Variants in OTULIN observed in about 807,000 individuals in gnomAD.
OTULIN encodes the protein OTU deubiquitinase with linear linkage specificity.
Under a neutral mutation model 39.6 loss-of-function variants are expected in OTULIN, and 15 were observed. The observed-to-expected ratio is 0.38, with a 90% CI of 0.25 to 0.58. The LOEUF (loss-of-function observed/expected upper bound fraction) is 0.58, where lower values mean the gene tolerates loss of function less well. Ranked by LOEUF, OTULIN falls within the 20% of genes least tolerant of loss-of-function variation. The pLI, the probability that OTULIN is intolerant of heterozygous loss-of-function variation, is 0.66. For synonymous variants in OTULIN, 156 were observed against 170.3 expected (o/e 0.92, Z 0.65); for missense variants, 319 against 445.9 (o/e 0.72, Z 2.56).
the OTULIN span, among the ~76,000 whole-genome samples, chr5:14,711,896 C>T: frequency 6.6e-6 from 1 of 152,192 alleles, no homozygotes; most frequent in African/African-American, 2.4e-5. Context: ...GCAGACCTTG[C>T]CATTATCGAC....
chr5:14,678,603 G>T (rs1736165420), intron 2 of OTULIN, 78 bp from the exon 3 acceptor site: 1 of 1,018,002 alleles, frequency 9.8e-7, no homozygotes, highest in Non-Finnish European at 1.4e-6. Context: ...AGAGTGAAGG[G>T]TAACCCCCAA....
chr5:14,686,570 T>C (rs1025977851), intron 4 of OTULIN, among the ~76,000 whole-genome samples: 5 of 152,190 alleles, frequency 3.3e-5, no homozygotes, highest in Non-Finnish European at 1.5e-5. Flanking sequence ...CCTCATAGGA[T>C]ATTGTAGGAT....
chr5:14,679,404 C>T (rs1448111641), intron 3 of OTULIN, among the ~76,000 whole-genome samples: 1 of 152,160 alleles, frequency 6.6e-6, no homozygotes, highest in Non-Finnish European at 1.5e-5. Flanking sequence ...AGATGTATAC[C>T]AAATCCAGTA....
chr5:14,678,873 C>T, intron 3 of OTULIN, 98 bp downstream of exon 3: 1 of 724,380 alleles, frequency 1.4e-6, no homozygotes, highest in Non-Finnish European at 2.2e-6. Context: ...GTTAAAATGA[C>T]TGCTATAGAC....
the OTULIN span, among the ~76,000 whole-genome samples, chr5:14,712,194 C>G: frequency 6.6e-6 from 1 of 152,254 alleles, no homozygotes; most frequent in East Asian, 1.9e-4. Flanking sequence ...CAGGGGACAG[C>G]CAGTGTCCTG....
At chr5:14,678,227 C>T (rs1051483908) in intron 2 of OTULIN, among the ~76,000 whole-genome samples, 6 of 152,120 alleles carry the variant, frequency 3.9e-5, no homozygotes, top group African/African-American at 7.2e-5. Flanking sequence ...TCTGCAGGTG[C>T]GGGGAAGAGC....
At chr5:14,684,653 C>G (rs969362371) in intron 4 of OTULIN, among the ~76,000 whole-genome samples, 1 of 152,108 alleles carries the variant, frequency 6.6e-6, no homozygotes, top group African/African-American at 2.4e-5. Context: ...AGGGGTGGAA[C>G]CTTTAGCTAG....
chr5:14,702,732 G>T (rs890353941), downstream of OTULIN, among the ~76,000 whole-genome samples: 3 of 152,156 alleles, frequency 2.0e-5, no homozygotes, highest in Non-Finnish European at 4.4e-5. Context: ...AGCTTTTATT[G>T]TGTAGCAGAT....
At chr5:14,713,473 G>A in the OTULIN span, 29 of 1,588,626 alleles carry the variant, frequency 1.8e-5, no homozygotes, top group Non-Finnish European at 2.4e-5. The surrounding 1 kb of genome is among the most constrained non-coding windows in gnomAD (Gnocchi z 4.4). Context: ...TGAAAATGTA[G>A]CTGTTAAACC....
downstream of OTULIN, chr5:14,704,665 G>A (rs958125151): frequency 6.6e-6 from 1 of 152,102 alleles, no homozygotes; most frequent in Non-Finnish European, 1.5e-5. Context: ...CCAAGGGAAA[G>A]GGCAAAATGT....
rs1256475721 is a variant in OTULIN at position 14,698,379 on chromosome 5, A to G, written c.*5331A>G. 6.6e-6 allele frequency: 1 copy of G among 152,224 alleles called. No individual in the cohort carries two copies. The highest frequency in any genetic ancestry group is 1.9e-4 in the East Asian group (1 of 5,196). 9.4% of individuals were successfully genotyped at this position (152,224 alleles called of 1,614,324 possible). On this transcript the variant is annotated 3_prime_UTR_variant, in exon 7 of 7. Transcript: ENST00000284274. ...CAAAATTTCGCCTGCTCTGAAAAACATGCCCCCGAGGCTCTGTGCAGTTTG... is the reference window on the plus strand; with the variant it reads ...CAAAATTTCGCCTGCTCTGAAAAACGTGCCCCCGAGGCTCTGTGCAGTTTG...
the OTULIN span, chr5:14,706,808 T>C: frequency 6.6e-6 from 1 of 152,076 alleles, no homozygotes; most frequent in East Asian, 1.9e-4. Flanking sequence ...CACAGAGGAG[T>C]ATCCCAGACA....
chr5:14,687,324 C>T (rs1736411665), intron 4 of OTULIN, among the ~76,000 whole-genome samples, 197 bp from the exon 5 acceptor site: 1 of 152,168 alleles, frequency 6.6e-6, no homozygotes, highest in South Asian at 2.1e-4. Flanking sequence ...CAGCAGCCCT[C>T]CTCAGGGTGG....
chr5:14,675,745 C>T (rs1736089657), intron 2 of OTULIN, among the ~76,000 whole-genome samples: 1 of 152,218 alleles, frequency 6.6e-6, no homozygotes, highest in Admixed American at 6.5e-5. Flanking sequence ...CACATCATCT[C>T]AGACCTTCTG....
intron 6 of OTULIN, among the ~76,000 whole-genome samples, chr5:14,692,090 T>C (rs988353765): frequency 4.6e-5 from 7 of 152,226 alleles, no homozygotes; most frequent in African/African-American, 1.7e-4. Context: ...CATATGTTTG[T>C]AGTTCTCTTG....
chr5:14,712,962 G>A, the OTULIN span: 5 of 1,612,848 alleles, frequency 3.1e-6, no homozygotes, highest in East Asian at 2.2e-5. Context: ...GCCCAGGGTC[G>A]CACCGTGCAC....
rs1253165128 is a variant in OTULIN at position 14,696,551 on chromosome 5, A to G, written c.*3503A>G. On this transcript the variant is annotated 3_prime_UTR_variant, in exon 7 of 7. Coordinates refer to ENST00000284274, the MANE Select transcript of OTULIN (RefSeq NM_138348.6). ...TTAGCAAAGGCAGGGCGCAATATCA[A>G]GTAATTTAAAAATGGTCCAAGGAAC... The G allele has an allele frequency of 2.0e-5, 3 of 152,250 alleles. No individual in the cohort carries two copies. Among genetic ancestry groups the G allele is most frequent in the Non-Finnish European group, 2.9e-5 (2 of 68,042 alleles). The allele number at this position is 152,250 out of a possible 1,614,324, so 9.4% of individuals were successfully genotyped here.
chr5:14,669,141 A>AT (rs1735921292), intron 1 of OTULIN, among the ~76,000 whole-genome samples: 2 of 152,112 alleles, frequency 1.3e-5, no homozygotes, highest in Non-Finnish European at 2.9e-5. Context: ...AGGCAGGCAG[A>AT]TCACCTCAGA....
intron 3 of OTULIN, among the ~76,000 whole-genome samples, chr5:14,680,150 T>C (rs1010763094): frequency 1.3e-5 from 2 of 152,236 alleles, no homozygotes; most frequent in Non-Finnish European, 2.9e-5. Flanking sequence ...TGCAGTTGGA[T>C]TTGCATAAGT....
Sources: allele counts gnomAD v4.1 joint callset (sites outside exome capture counted in the v4.1 genomes callset), GRCh38; gene constraint gnomAD v4.1.1; non-coding constraint Gnocchi (gnomAD v3.1); transcripts MANE v1.5; gene names NCBI Gene and HGNC (gene_info 2026-07-23, HGNC 2026-07-21).